The following KLK3 variants were observed in gnomAD, a reference collection of about 807,000 sequenced individuals.
KLK3 encodes prostate-specific antigen.
Under a neutral mutation model 27.7 loss-of-function variants are expected in KLK3, and 23 were observed. The ratio of observed to expected loss-of-function variants is 0.83; its 90% CI spans 0.60 to 1.17. The LOEUF is 1.17. Among genes scored for constraint, KLK3 ranks in the 50% most tolerant of loss-of-function variants. KLK3 has a pLI of 0.00. For synonymous variants in KLK3, 142 were observed against 134.2 expected (o/e 1.06, Z -0.40); for missense variants, 322 against 338.1 (o/e 0.95, Z 0.37).
chr19:50,857,821 C>T, intron 2 of KLK3: 1 of 559,124 alleles, frequency 1.8e-6, no homozygotes, highest in Non-Finnish European at 3.1e-6. Context: ...CCCTTGGTTT[C>T]TCTCAGTTTC....
chr19:50,858,059 C>T lies in KLK3; in HGVS notation c.237C>T (p.Ser79=), dbSNP rs12946. ...NKSVILLGRH[S]LFHPEDTGQV... is the part of the protein sequence containing the mutation. ...GCGTGATCTTGCTGGGTCGGCACAGCCTGTTTCATCCTGAAGACACAGGCC... is the reference window on the plus strand; with the variant it reads ...GCGTGATCTTGCTGGGTCGGCACAGTCTGTTTCATCCTGAAGACACAGGCC... Residue 79 remains serine (S), a synonymous_variant, in exon 3 of 5, where the codon AGC becomes AGT. Coordinates refer to ENST00000326003, the MANE Select transcript of KLK3 (RefSeq NM_001648.2). 191,257 of 1,613,068 alleles carry T rather than the reference C, an allele frequency of 0.12. 11,850 individuals are homozygous for T. The highest frequency in any genetic ancestry group is 0.2 in the Middle Eastern group (1,200 of 6,058).
Position 50,860,391 on chromosome 19 carries a change from G to C in KLK3, c.*264G>C. On this transcript the variant is annotated 3_prime_UTR_variant, in exon 5 of 5. Transcript: ENST00000326003. ...AGGACACAGATAGGATGGGGTGTCT[G>C]TGTTATTTGTGGGGTACAGAGATGA... 1 of 358,190 alleles carries C rather than the reference G, an allele frequency of 2.8e-6. No individual in the cohort carries two copies. Among genetic ancestry groups the C allele is most frequent in the Non-Finnish European group, 5.1e-6 (1 of 195,456 alleles). 22.2% of individuals were successfully genotyped at this position (358,190 alleles called of 1,614,324 possible). A position where few individuals can be genotyped will look rare whatever the true frequency, so the allele number is the denominator to read the frequency against.
At chr19:50,857,203 AGG>A (rs1230865953) in intron 2 of KLK3, among the ~76,000 whole-genome samples, 2 of 150,658 alleles carry the variant, frequency 1.3e-5, no homozygotes, top group African/African-American at 4.9e-5. Flanking sequence ...AGAAAAGAAA[AGG>A]AAGTGTTTTA....
intron 4 of KLK3, chr19:50,859,010 G>A (rs780927031): frequency 4.7e-4 from 142 of 303,552 alleles, no homozygotes; most frequent in Non-Finnish European, 7.9e-4. Flanking sequence ...GGGAGAAGGG[G>A]TGGGGAGTGT....
At chr19:50,858,641 G>A (rs574463961) in intron 4 of KLK3, 46 bp downstream of exon 4, 1 of 1,609,910 alleles carries the variant, frequency 6.2e-7, no homozygotes, top group Non-Finnish European at 8.5e-7. Flanking sequence ...AGGTGAGTGG[G>A]GACCTTAATT....
In KLK3 at chr19:50,858,306, C is replaced by G; in HGVS notation, c.484C>G (p.Pro162Ala). The G allele has an allele frequency of 3.7e-6, 6 of 1,613,096 alleles. No homozygotes were observed. Among genetic ancestry groups the G allele is most frequent in the Non-Finnish European group, 5.1e-6 (6 of 1,179,454 alleles). ...CGCCTCAGGCTGGGGCAGCATTGAA[C>G]CAGAGGAGTGTACGCCTGGGCCAGA... ...CYASGWGSIE[P>A]EEFLTPKKLQ... Residue 162 changes from proline to alanine, a missense_variant, in exon 3 of 5, where the codon CCA (proline) becomes GCA (alanine). Physicochemically the swap from Pro to Ala is conservative, Grantham distance 27 (BLOSUM62 -1). Coordinates refer to ENST00000326003, the MANE Select transcript of KLK3 (RefSeq NM_001648.2).
rs372148450 is a variant in KLK3 at position 50,858,511 on chromosome 19, C to A, written c.546C>A (p.Asp182Glu). 7.4e-6 allele frequency: 12 copies of A among 1,614,174 alleles called. No homozygotes were observed. Among genetic ancestry groups the A allele is most frequent in the East Asian group, 2.2e-5 (1 of 44,886 alleles). ...TGGACCTCCATGTTATTTCCAATGACGTGTGTGCGCAAGTTCACCCTCAGA... is the reference window on the plus strand; with the variant it reads ...TGGACCTCCATGTTATTTCCAATGAAGTGTGTGCGCAAGTTCACCCTCAGA... ...QCVDLHVISNDVCAQVHPQKV... is the reference protein window; with the variant it reads ...QCVDLHVISNEVCAQVHPQKV... Residue 182 changes from aspartate (D) to glutamate (E), a missense_variant, in exon 4 of 5, where the codon GAC becomes GAA. Asp to Glu is a conservative substitution (Grantham distance 45, BLOSUM62 2). Coordinates refer to ENST00000326003, the MANE Select transcript of KLK3 (RefSeq NM_001648.2).
In KLK3 at chr19:50,860,237, G is replaced by C; in HGVS notation, c.*110G>C. On this transcript the variant is annotated 3_prime_UTR_variant, in exon 5 of 5. Transcript: ENST00000326003. ...CCTTTGTCCTTAGGTGTGAGGTCCAGGGTTGCTAGGAAAAGAAATCAGCAG... is the reference window on the plus strand; with the variant it reads ...CCTTTGTCCTTAGGTGTGAGGTCCACGGTTGCTAGGAAAAGAAATCAGCAG... 1.2e-6 allele frequency: 1 copy of C among 807,554 alleles called. No homozygotes were observed. The highest frequency in any genetic ancestry group is 2.0e-6 in the Non-Finnish European group (1 of 493,900). The allele number at this position is 807,554 out of a possible 1,614,324, so 50.0% of individuals were successfully genotyped here. A position where few individuals can be genotyped will look rare whatever the true frequency, so the allele number is the denominator to read the frequency against.
rs577670828 is a variant in KLK3 at position 50,860,225 on chromosome 19, G to A, written c.*98G>A. ...CAGTTCTACTGACCTTTGTCCTTAG[G>A]TGTGAGGTCCAGGGTTGCTAGGAAA... is the stretch of plus-strand genomic sequence containing the variant. On this transcript the variant is annotated 3_prime_UTR_variant, in exon 5 of 5. Coordinates refer to ENST00000326003, the MANE Select transcript of KLK3 (RefSeq NM_001648.2). The A allele has an allele frequency of 1.1e-6, 1 of 920,628 alleles. No individual in the cohort carries two copies. The highest frequency in any genetic ancestry group is 1.6e-5 in the African/African-American group (1 of 60,628). The allele number at this position is 920,628 out of a possible 1,614,324, so 57.0% of individuals were successfully genotyped here. A position where few individuals can be genotyped will look rare whatever the true frequency, so the allele number is the denominator to read the frequency against.
chr19:50,859,166 G>A (rs2090168453), intron 4 of KLK3, among the ~76,000 whole-genome samples: 1 of 152,132 alleles, frequency 6.6e-6, no homozygotes, highest in Non-Finnish European at 1.5e-5. Flanking sequence ...CAGGAGCAGA[G>A]AGGAGGTTGC....
chr19:50,857,060 G>A (rs1599991656), intron 2 of KLK3, among the ~76,000 whole-genome samples: 1 of 150,848 alleles, frequency 6.6e-6, no homozygotes, highest in East Asian at 2.0e-4. Flanking sequence ...CTACTCAGGA[G>A]GCTGAGGGAG....
intron 1 of KLK3, chr19:50,855,337 A>C (rs1376312140): frequency 2.7e-6 from 1 of 376,290 alleles, no homozygotes; most frequent in Non-Finnish European, 4.9e-6. Context: ...GACCTCTCTC[A>C]ATGCCATTGG....
At position 50,857,873 on chromosome 19, in the gene KLK3, C is replaced by A. The variant is rs552338826; in HGVS notation, c.207-156C>A. 3 of 693,826 alleles carry A rather than the reference C, an allele frequency of 4.3e-6. No homozygotes were observed. In the African/African-American group the frequency reaches 5.4e-5, roughly 12 times the overall value. 43.0% of individuals were successfully genotyped at this position (693,826 alleles called of 1,614,324 possible). A position where few individuals can be genotyped will look rare whatever the true frequency, so the allele number is the denominator to read the frequency against. On this transcript the variant is annotated intron_variant, in intron 2 of 4. Coordinates refer to ENST00000326003, the MANE Select transcript of KLK3 (RefSeq NM_001648.2). ...CCTCTCACACTGCTGTTTCCCAACT[C>A]GTTGTCTGTATTTTTGGCCTGAACT...
At chr19:50,858,007 C>A (rs752072601) in intron 2 of KLK3, 22 bp from the exon 3 acceptor site, 3 of 1,590,658 alleles carry the variant, frequency 1.9e-6, no homozygotes, top group Non-Finnish European at 2.6e-6. Flanking sequence ...GCTCCTCATT[C>A]CTGCGTCTGC....
chr19:50,860,332 G>A lies in KLK3; in HGVS notation c.*205G>A. 1 of 493,160 alleles carries A rather than the reference G, an allele frequency of 2.0e-6. No homozygotes were observed. Among genetic ancestry groups the A allele is most frequent in the Non-Finnish European group, 3.7e-6 (1 of 273,564 alleles). 30.5% of individuals were successfully genotyped at this position (493,160 alleles called of 1,614,324 possible). On this transcript the variant is annotated 3_prime_UTR_variant, in exon 5 of 5. Coordinates refer to ENST00000326003, the MANE Select transcript of KLK3 (RefSeq NM_001648.2). ...CCTCTCTGTGTCCTGGGGAATACTG[G>A]CCATGCCTGGAGACATATCACTCAA...
At chr19:50,855,071 C>A in intron 1 of KLK3, 70 bp downstream of exon 1, 1 of 1,523,916 alleles carries the variant, frequency 6.6e-7, no homozygotes, top group Non-Finnish European at 9.1e-7. Context: ...GAGGCTCTTT[C>A]CCCCCCAACC....
chr19:50,858,247 C>T lies in KLK3; in HGVS notation c.425C>T (p.Pro142Leu). 1.2e-6 allele frequency: 2 copies of T among 1,614,162 alleles called. No individual in the cohort carries two copies. Among genetic ancestry groups the T allele is most frequent in the Non-Finnish European group, 8.5e-7 (1 of 1,180,046 alleles). ...LTDAVKVMDLPTQEPALGTTC... is the reference protein window; with the variant it reads ...LTDAVKVMDLLTQEPALGTTC... The stretch of plus-strand genomic sequence containing the variant: ...GATGCTGTGAAGGTCATGGACCTGC[C>T]CACCCAGGAGCCAGCACTGGGGACC... Residue 142 changes from proline (P) to leucine (L), a missense_variant, in exon 3 of 5, where the codon CCC becomes CTC. By Grantham distance (98) the Pro-to-Leu change is moderately conservative. Coordinates refer to ENST00000326003, the MANE Select transcript of KLK3 (RefSeq NM_001648.2).
chr19:50,856,466 TC>T, intron 2 of KLK3, 67 bp downstream of exon 2: 1 of 1,564,652 alleles, frequency 6.4e-7, no homozygotes, highest in Non-Finnish European at 8.7e-7. Flanking sequence ...CTGGGCATTT[TC>T]CCCAGGATAA....
At chr19:50,857,942 C>T (rs1447864207) in intron 2 of KLK3, 87 bp from the exon 3 acceptor site, 1 of 1,396,522 alleles carries the variant, frequency 7.2e-7, no homozygotes, top group Non-Finnish European at 9.6e-7. Context: ...TTCTTTTTCT[C>T]TTTTGGAGCC....
Sources: allele counts gnomAD v4.1 joint callset (sites outside exome capture counted in the v4.1 genomes callset), GRCh38; gene constraint gnomAD v4.1.1; transcripts MANE v1.5; gene names NCBI Gene and HGNC (gene_info 2026-07-23, HGNC 2026-07-21).